MAP2K5: variants seen among roughly 807,000 people sequenced by gnomAD.
The protein encoded by MAP2K5 is dual specificity mitogen-activated protein kinase kinase 5.
MAP2K5 carries 49 observed loss-of-function variants against 83.1 expected under a neutral mutation model. The observed-to-expected ratio is 0.59, with a 90% CI of 0.47 to 0.75. MAP2K5 has a LOEUF of 0.75. Among genes scored for constraint, MAP2K5 ranks in the 30% least tolerant of loss-of-function variants. The pLI, the probability that MAP2K5 is intolerant of heterozygous loss-of-function variation, is 0.00. For synonymous variants in MAP2K5, 202 were observed against 191.8 expected (o/e 1.05, Z -0.44); for missense variants, 457 against 557.5 (o/e 0.82, Z 1.82).
chr15:67,584,152 T>C lies in MAP2K5; in HGVS notation c.323-1738T>C, dbSNP rs142969544. Among the ~76,000 whole-genome samples the C allele has an allele frequency of 2.6e-5, 4 of 152,328 alleles. No individual in the cohort carries two copies. In the East Asian group the frequency reaches 5.8e-4, roughly 22 times the overall value. Reference sequence around the variant, plus strand: ...AAGTCCTCTACATTGTTAAAAGATATGTTAAATATTAATAAGTGTGAACAT... The same window carrying C: ...AAGTCCTCTACATTGTTAAAAGATACGTTAAATATTAATAAGTGTGAACAT... On this transcript the variant is annotated intron_variant, in intron 4 of 21. Coordinates refer to ENST00000178640, the MANE Select transcript of MAP2K5 (RefSeq NM_145160.3).
At chr15:67,655,050 G>GT (rs1260342976) in intron 11 of MAP2K5, among the ~76,000 whole-genome samples, 2 of 149,304 alleles carry the variant, frequency 1.3e-5, no homozygotes, top group African/African-American at 5.0e-5. Flanking sequence ...GGGTGACAGA[G>GT]TGAGACTCCA....
chr15:67,554,207 A>G (rs1434916592), intron 2 of MAP2K5, among the ~76,000 whole-genome samples: 4 of 152,156 alleles, frequency 2.6e-5, no homozygotes, highest in Non-Finnish European at 4.4e-5. Context: ...CTACAGGTGC[A>G]TGCCACTACA....
intron 3 of MAP2K5, among the ~76,000 whole-genome samples, chr15:67,578,025 T>A (rs1317351016): frequency 6.6e-6 from 1 of 152,076 alleles, no homozygotes; most frequent in Admixed American, 6.6e-5. Flanking sequence ...CCCAATTTGT[T>A]TTGCAGTTTA....
rs370647673 is a variant in MAP2K5, at chr15:67,747,124, C to T, written c.1075-1107C>T. ...CACCCTGGCGCTGAGGCCTCAGGCC[C>T]GGACACTGTCCTCTGATAGGCCCAG... On this transcript the variant is annotated intron_variant, in intron 17 of 21. Coordinates refer to ENST00000178640, the MANE Select transcript of MAP2K5 (RefSeq NM_145160.3). This position sits in a 1 kb window ranked among gnomAD's most constrained non-coding sequence, Gnocchi z 4.1. 9.8e-5 allele frequency among the ~76,000 whole-genome samples: 15 copies of T among 152,306 alleles called. 1 individual carries two copies. In the East Asian group the frequency reaches 1.9e-3, roughly 20 times the overall value.
chr15:67,717,366 C>T lies in MAP2K5; in HGVS notation c.1045-10550C>T, dbSNP rs2088851479. 6.6e-6 allele frequency among the ~76,000 whole-genome samples: 1 copy of T among 152,156 alleles called. No homozygotes were observed. Among genetic ancestry groups the T allele is most frequent in the Admixed American group, 6.6e-5 (1 of 15,266 alleles). On this transcript the variant is annotated intron_variant, in intron 16 of 21. Transcript: ENST00000178640. This position sits in a 1 kb window ranked among gnomAD's most constrained non-coding sequence, Gnocchi z 4.1. ...TAATAGGAAGTAGGTAGGTAAGGATCTCATCTAATTAGTAAATATTTATCA... is the reference window on the plus strand; with the variant it reads ...TAATAGGAAGTAGGTAGGTAAGGATTTCATCTAATTAGTAAATATTTATCA...
intron 17 of MAP2K5, among the ~76,000 whole-genome samples, chr15:67,733,863 A>C (rs780437103): frequency 1.3e-5 from 2 of 152,248 alleles, no homozygotes; most frequent in Non-Finnish European, 2.9e-5. Flanking sequence ...CCTGTTGTTA[A>C]AACCAAGATA....
At position 67,552,046 on chromosome 15, in the gene MAP2K5, G is replaced by A. The variant is rs1458321698; in HGVS notation, c.184+1964G>A. 2.6e-5 allele frequency among the ~76,000 whole-genome samples: 4 copies of A among 151,756 alleles called. No individual in the cohort carries two copies. Among genetic ancestry groups the A allele is most frequent in the African/African-American group, 9.7e-5 (4 of 41,312 alleles). On this transcript the variant is annotated intron_variant, in intron 2 of 21. Transcript: ENST00000178640. This position sits in a 1 kb window ranked among gnomAD's most constrained non-coding sequence, Gnocchi z 4.2. The stretch of plus-strand genomic sequence containing the variant: ...ACTTTCCAGTGACTTACCCTGTAAA[G>A]TGGACTTGGGGCCTGAGGCTTGGGT...
At chr15:67,554,370 C>T (rs981664573) in intron 2 of MAP2K5, among the ~76,000 whole-genome samples, 1 of 152,162 alleles carries the variant, frequency 6.6e-6, no homozygotes, top group African/African-American at 2.4e-5. Context: ...TATAGTAATA[C>T]ATTTAATACT....
chr15:67,763,236 T>C (rs1358925496), intron 19 of MAP2K5, among the ~76,000 whole-genome samples: 1 of 152,124 alleles, frequency 6.6e-6, no homozygotes, highest in African/African-American at 2.4e-5. Context: ...ATCTGCATCA[T>C]GAAATCAAAA....
At chr15:67,742,328 T>C (rs2089513624) in intron 17 of MAP2K5, among the ~76,000 whole-genome samples, 1 of 152,220 alleles carries the variant, frequency 6.6e-6, no homozygotes. Flanking sequence ...GGCAAAGAAT[T>C]GTACTAGGTG....
At position 67,774,595 on chromosome 15, in the gene MAP2K5, G is replaced by T. The variant is rs1215122445; in HGVS notation, c.1242+1843G>T. On this transcript the variant is annotated intron_variant, in intron 21 of 21. Transcript: ENST00000178640. The surrounding 1 kb of genome is among the most constrained non-coding windows in gnomAD (Gnocchi z 4.9). The stretch of plus-strand genomic sequence containing the variant: ...TTAAGGAACTTAAGCCACATCCTAG[G>T]GGCCCAATCTAAAGGAACCAGCCTC... Among the ~76,000 whole-genome samples the T allele has an allele frequency of 1.3e-5, 2 of 152,150 alleles. No individual in the cohort carries two copies. The highest frequency in any genetic ancestry group is 2.9e-5 in the Non-Finnish European group (2 of 68,024).
chr15:67,705,799 A>ATACT (rs2088536604), intron 16 of MAP2K5, among the ~76,000 whole-genome samples: 1 of 152,172 alleles, frequency 6.6e-6, no homozygotes, highest in Non-Finnish European at 1.5e-5. Flanking sequence ...ACTTGAGCAG[A>ATACT]TACTTGAATG....
intron 17 of MAP2K5, among the ~76,000 whole-genome samples, chr15:67,741,730 C>G (rs991875728): frequency 2.0e-5 from 3 of 152,008 alleles, no homozygotes; most frequent in African/African-American, 7.3e-5. Flanking sequence ...ACCAACTGAT[C>G]ATAAGGAAGA....
rs945805170 is a variant in MAP2K5 at position 67,720,750 on chromosome 15, G to A, written c.1045-7166G>A. 6.6e-6 allele frequency among the ~76,000 whole-genome samples: 1 copy of A among 152,160 alleles called. No homozygotes were observed. Among genetic ancestry groups the A allele is most frequent in the Non-Finnish European group, 1.5e-5 (1 of 68,024 alleles). On this transcript the variant is annotated intron_variant, in intron 16 of 21. Coordinates refer to ENST00000178640, the MANE Select transcript of MAP2K5 (RefSeq NM_145160.3). The surrounding 1 kb of genome is among the most constrained non-coding windows in gnomAD (Gnocchi z 5.7). ...TTCCAGTAATTAGTGTATTTTATGG[G>A]CCTTTGCTTCAGTGGCTCGAAAGCA...
At chr15:67,586,035 G>A in intron 5 of MAP2K5, 105 bp downstream of exon 5, 1 of 1,029,926 alleles carries the variant, frequency 9.7e-7, no homozygotes, top group Non-Finnish European at 1.5e-6. Context: ...GCTCTGACAA[G>A]CGATCCTTTT....
At chr15:67,610,984 C>A (rs2085908877) in intron 8 of MAP2K5, among the ~76,000 whole-genome samples, 1 of 152,100 alleles carries the variant, frequency 6.6e-6, no homozygotes, top group Non-Finnish European at 1.5e-5. Context: ...AAAATGTTCA[C>A]ACAAAATTAG....
At chr15:67,753,667 A>G (rs1678564280) in intron 19 of MAP2K5, among the ~76,000 whole-genome samples, 5 of 151,812 alleles carry the variant, frequency 3.3e-5, no homozygotes, top group Admixed American at 3.3e-4. Context: ...GGATGGCTGT[A>G]ATTAAAAAAA....
intron 17 of MAP2K5, among the ~76,000 whole-genome samples, chr15:67,735,236 A>T (rs1414206839): frequency 1.3e-5 from 2 of 152,232 alleles, no homozygotes; most frequent in African/African-American, 2.4e-5. Flanking sequence ...ATGTCCTTAA[A>T]ATAGAGCAGA....
At chr15:67,569,900 GC>G (rs1228701281) in intron 3 of MAP2K5, among the ~76,000 whole-genome samples, 1 of 152,170 alleles carries the variant, frequency 6.6e-6, no homozygotes, top group Non-Finnish European at 1.5e-5. Flanking sequence ...TGTCTGCATG[GC>G]CTGATAGTCC....
Sources: allele counts gnomAD v4.1 joint callset (sites outside exome capture counted in the v4.1 genomes callset), GRCh38; gene constraint gnomAD v4.1.1; non-coding constraint Gnocchi (gnomAD v3.1); transcripts MANE v1.5; gene names NCBI Gene and HGNC (gene_info 2026-07-23, HGNC 2026-07-21).